The following TENT5D variants were observed in gnomAD, a reference collection of about 807,000 sequenced individuals.
TENT5D encodes terminal nucleotidyltransferase 5D.
For missense variants in TENT5D, 191 were observed against 287.0 expected (o/e 0.67, Z 2.42); for synonymous variants, 103 against 100.6 (o/e 1.02, Z -0.15).
intron 1 of TENT5D, among the ~76,000 whole-genome samples, chrX:80,421,277 C>T (rs1028970091): frequency 9.0e-6 from 1 of 111,455 alleles, no homozygotes; most frequent in Admixed American, 9.5e-5. Flanking sequence ...TCTCTGCCTC[C>T]CAGGTTCAAG....
chrX:80,349,771 T>C (rs1323601127), intron 3 of TENT5D, among the ~76,000 whole-genome samples: 1 of 111,510 alleles, frequency 9.0e-6, no homozygotes, highest in Middle Eastern at 4.2e-3. Context: ...CTTTCCTGCT[T>C]TCTGATGTGG....
At chrX:80,380,848 G>A (rs1602198895) in intron 3 of TENT5D, among the ~76,000 whole-genome samples, 1 of 111,396 alleles carries the variant, frequency 9.0e-6, no homozygotes, top group South Asian at 3.8e-4. Context: ...GAGTCTATGT[G>A]TGTCTTTGCA....
intron 3 of TENT5D, among the ~76,000 whole-genome samples, chrX:80,365,589 C>T (rs1302886023): frequency 3.6e-5 from 4 of 110,808 alleles, no homozygotes; most frequent in African/African-American, 1.3e-4. Flanking sequence ...GCCTGTAATC[C>T]CAGCACTTTA....
intron 3 of TENT5D, among the ~76,000 whole-genome samples, chrX:80,381,837 T>C (rs915334490): frequency 2.7e-5 from 3 of 111,898 alleles, no homozygotes; most frequent in Admixed American, 9.5e-5. Flanking sequence ...CTCTACACTT[T>C]ATTCTAGTTA....
intron 1 of TENT5D, among the ~76,000 whole-genome samples, chrX:80,435,504 A>G (rs1379283973): frequency 8.9e-6 from 1 of 112,408 alleles, no homozygotes; most frequent in Non-Finnish European, 1.9e-5. Context: ...ATGTTTCAAG[A>G]TTGCTTTGTA....
At chrX:80,425,897 G>A (rs1448595002) in intron 1 of TENT5D, among the ~76,000 whole-genome samples, 1 of 110,151 alleles carries the variant, frequency 9.1e-6, no homozygotes, top group Admixed American at 9.8e-5. Flanking sequence ...CATGGTGGTG[G>A]GCACCTGTAA....
intron 1 of TENT5D, among the ~76,000 whole-genome samples, chrX:80,427,738 C>T (rs945070757): frequency 6.3e-5 from 7 of 111,483 alleles, no homozygotes; most frequent in Non-Finnish European, 1.3e-4. Context: ...ACCTGGAAGG[C>T]GAAAATAGAT....
chrX:80,424,918 T>C (rs1931960917), intron 1 of TENT5D, among the ~76,000 whole-genome samples: 2 of 112,408 alleles, frequency 1.8e-5, no homozygotes, highest in Non-Finnish European at 3.8e-5. Context: ...CTCCTTTTTT[T>C]CTGAGGTTTC....
intron 3 of TENT5D, among the ~76,000 whole-genome samples, chrX:80,358,076 A>G (rs1445435000): frequency 1.8e-5 from 2 of 112,004 alleles, no homozygotes; most frequent in East Asian, 2.8e-4. Context: ...AGGATTCCCT[A>G]TTTAATAAAT....
At chrX:80,372,817 G>A (rs767568697) in intron 3 of TENT5D, among the ~76,000 whole-genome samples, 35 of 107,740 alleles carry the variant, frequency 3.2e-4, no homozygotes, top group African/African-American at 1.0e-3. Flanking sequence ...AACCTGGGAG[G>A]TGGAGGTTGC....
At chrX:80,359,662 G>A (rs1930365450) in intron 3 of TENT5D, among the ~76,000 whole-genome samples, 1 of 111,352 alleles carries the variant, frequency 9.0e-6, no homozygotes, top group South Asian at 3.8e-4. Context: ...GGGAGGTATA[G>A]CATTAGGAGA....
intron 1 of TENT5D, among the ~76,000 whole-genome samples, chrX:80,422,678 A>G (rs1320201339): frequency 9.0e-6 from 1 of 110,720 alleles, no homozygotes; most frequent in African/African-American, 3.3e-5. Context: ...AGCTATGAAC[A>G]GAAGTTTTTT....
At chrX:80,367,419 T>C (rs1483695611) in intron 3 of TENT5D, among the ~76,000 whole-genome samples, 1 of 111,149 alleles carries the variant, frequency 9.0e-6, no homozygotes, top group Non-Finnish European at 1.9e-5. Context: ...AAAACCACTA[T>C]GGAAATGGTT....
chrX:80,345,252 A>G (rs918871126), intron 3 of TENT5D, among the ~76,000 whole-genome samples: 2 of 111,245 alleles, frequency 1.8e-5, no homozygotes, highest in Non-Finnish European at 3.8e-5. Context: ...CCCTATATCC[A>G]TGTATCATCA....
At chrX:80,359,347 A>C (rs113410974) in intron 3 of TENT5D, among the ~76,000 whole-genome samples, 15 of 111,939 alleles carry the variant, frequency 1.3e-4, no homozygotes, top group African/African-American at 4.6e-4. Context: ...AGACACATGC[A>C]CACATATGTT....
intron 2 of TENT5D, 32 bp from the exon 3 acceptor site, chrX:80,442,490 T>C: frequency 1.9e-6 from 2 of 1,049,919 alleles, no homozygotes; most frequent in Non-Finnish European, 2.6e-6. Flanking sequence ...GGTGCTAACA[T>C]ATTTCTTCCC....
In TENT5D at chrX:80,409,641, G is replaced by T. The variant is rs1477828840; in HGVS notation, c.-141-28969G>T. 3.6e-5 allele frequency among the ~76,000 whole-genome samples: 4 copies of T among 111,427 alleles called. No homozygotes were observed. In the Admixed American group the frequency reaches 3.8e-4, roughly 11 times the overall value. ...AACATTCCATGCTCATGGGTGGGAA[G>T]AATCAATATCATTAAAATGGCCATA... is the stretch of plus-strand genomic sequence containing the variant. On this transcript the variant is annotated intron_variant, in intron 3 of 4. Transcript: ENST00000538312.
chrX:80,392,347 G>A (rs1244231662), intron 3 of TENT5D, among the ~76,000 whole-genome samples: 1 of 108,988 alleles, frequency 9.2e-6, no homozygotes, highest in Non-Finnish European at 1.9e-5. Context: ...AATCTTTGTG[G>A]GTTTAACCAT....
At chrX:80,409,143 T>G (rs1386096507) in intron 3 of TENT5D, among the ~76,000 whole-genome samples, 2 of 109,648 alleles carry the variant, frequency 1.8e-5, no homozygotes, top group African/African-American at 6.6e-5. Flanking sequence ...GCCAATATCA[T>G]ACTGAATGGG....
Sources: allele counts gnomAD v4.1 joint callset (sites outside exome capture counted in the v4.1 genomes callset), GRCh38; gene constraint gnomAD v4.1.1; transcripts MANE v1.5; gene names NCBI Gene and HGNC (gene_info 2026-07-23, HGNC 2026-07-21).